FGF14: variants seen among roughly 807,000 people sequenced by gnomAD.
The protein encoded by FGF14 is fibroblast growth factor 14.
Under a neutral mutation model 25.5 loss-of-function variants are expected in FGF14, and 5 were observed. That is an observed-to-expected ratio of 0.20 (90% CI 0.10 to 0.41). FGF14 has a LOEUF of 0.41. Among genes scored for constraint, FGF14 ranks in the 10% least tolerant of loss-of-function variants. The pLI is 1.00. For missense variants in FGF14, 222 were observed against 320.1 expected (o/e 0.69, Z 2.34); for synonymous variants, 138 against 118.3 (o/e 1.17, Z -1.08).
intron 1 of FGF14, among the ~76,000 whole-genome samples, chr13:102,044,177 C>T (rs140148596): frequency 4.6e-5 from 7 of 152,302 alleles, no homozygotes; most frequent in South Asian, 2.1e-4. Context: ...AGCTGACTGG[C>T]CACTGACATC....
rs141305887 is a variant in FGF14 at position 101,897,948 on chromosome 13, G to A, written c.193+18505C>T. ...CTTACTCTGTTGCCCAGGCTGGAGT[G>A]CAGTGGTGCAGTCTCGGCTTACTGC... On this transcript the variant is annotated intron_variant, in intron 1 of 4. Transcript: ENST00000376143. 8.3e-3 allele frequency among the ~76,000 whole-genome samples: 1,261 copies of A among 152,138 alleles called. 14 individuals are homozygous for A. Among genetic ancestry groups the A allele is most frequent in the African/African-American group, 0.028 (1,166 of 41,488 alleles).
At chr13:102,038,708 G>A (rs2041590754) in intron 1 of FGF14, among the ~76,000 whole-genome samples, 1 of 151,950 alleles carries the variant, frequency 6.6e-6, no homozygotes. Flanking sequence ...TCCATTTTAT[G>A]TCATAAAATA....
At chr13:102,236,282 T>C (rs887379305) in intron 1 of FGF14, among the ~76,000 whole-genome samples, 1 of 152,176 alleles carries the variant, frequency 6.6e-6, no homozygotes, top group African/African-American at 2.4e-5. Context: ...GGGGTCTGGA[T>C]CAGGACCCCT....
At chr13:102,117,439 A>T (rs540677597) in intron 1 of FGF14, among the ~76,000 whole-genome samples, 1 of 152,194 alleles carries the variant, frequency 6.6e-6, no homozygotes, top group South Asian at 2.1e-4. Context: ...TCCTAAGTTT[A>T]TTCCAGGAAG....
chr13:101,884,683 G>C (rs2045898202), intron 1 of FGF14, among the ~76,000 whole-genome samples: 1 of 152,090 alleles, frequency 6.6e-6, no homozygotes, highest in South Asian at 2.1e-4. Flanking sequence ...CGCTGAAAGT[G>C]TTCAAGCAGT....
At chr13:102,236,047 G>A (rs1018579997) in intron 1 of FGF14, among the ~76,000 whole-genome samples, 1 of 152,212 alleles carries the variant, frequency 6.6e-6, no homozygotes, top group Non-Finnish European at 1.5e-5. Flanking sequence ...GCAATCCTTT[G>A]TCAGGAACCT....
At chr13:101,736,198 G>C (rs1057004829) in intron 3 of FGF14, among the ~76,000 whole-genome samples, 1 of 152,008 alleles carries the variant, frequency 6.6e-6, no homozygotes, top group African/African-American at 2.4e-5. Context: ...ATATGTATGT[G>C]TATTGTTATG....
intron 1 of FGF14, among the ~76,000 whole-genome samples, chr13:102,283,615 T>C (rs1438960987): frequency 1.3e-5 from 2 of 152,266 alleles, no homozygotes; most frequent in South Asian, 2.1e-4. Flanking sequence ...AATTCCTTTA[T>C]TAAATATTTT....
intron 1 of FGF14, chr13:102,292,509 C>G (rs1456954830): frequency 1.3e-5 from 2 of 152,026 alleles, no homozygotes; most frequent in Non-Finnish European, 2.9e-5. Context: ...TCTGGGCTCT[C>G]GCATATATCT....
intron 1 of FGF14, among the ~76,000 whole-genome samples, chr13:102,273,344 C>T (rs1257603161): frequency 6.6e-6 from 1 of 152,162 alleles, no homozygotes; most frequent in African/African-American, 2.4e-5. Flanking sequence ...TAATCCACAA[C>T]ATGTAATTTC....
At chr13:101,900,689 G>A (rs767670205) in intron 1 of FGF14, among the ~76,000 whole-genome samples, 3 of 152,126 alleles carry the variant, frequency 2.0e-5, no homozygotes, top group South Asian at 2.1e-4. Flanking sequence ...GATTGGAAAA[G>A]CACATGAGGA....
At chr13:102,107,816 C>T (rs1362987582) in intron 1 of FGF14, among the ~76,000 whole-genome samples, 1 of 152,186 alleles carries the variant, frequency 6.6e-6, no homozygotes, top group African/African-American at 2.4e-5. Context: ...AACTGCAAGA[C>T]ATACTCAGAA....
chr13:101,755,660 T>G (rs764685345), intron 3 of FGF14, among the ~76,000 whole-genome samples: 2 of 152,234 alleles, frequency 1.3e-5, no homozygotes, highest in Non-Finnish European at 2.9e-5. Context: ...TGGACAGGAC[T>G]GTCATATCTT....
intron 1 of FGF14, among the ~76,000 whole-genome samples, chr13:101,960,331 A>G (rs1462945641): frequency 6.6e-6 from 1 of 151,966 alleles, no homozygotes; most frequent in East Asian, 1.9e-4. Flanking sequence ...TGCATTAGCT[A>G]TTTTTCCTGA....
intron 1 of FGF14, among the ~76,000 whole-genome samples, chr13:102,368,646 T>A (rs543643901): frequency 1.8e-4 from 28 of 152,300 alleles, no homozygotes; most frequent in African/African-American, 5.1e-4. Context: ...ACAGAAATGA[T>A]AATAGCTTAA....
chr13:102,037,302 G>T (rs548889186), intron 1 of FGF14, among the ~76,000 whole-genome samples: 1 of 152,054 alleles, frequency 6.6e-6, no homozygotes, highest in South Asian at 2.1e-4. Flanking sequence ...CTAAAATCAG[G>T]GTTGTGTTCC....
intron 1 of FGF14, among the ~76,000 whole-genome samples, chr13:102,392,667 C>T (rs2058460813): frequency 6.6e-6 from 1 of 152,190 alleles, no homozygotes; most frequent in South Asian, 2.1e-4. Context: ...GACTAGCTCA[C>T]CAGAACTGTC....
chr13:102,232,614 C>T (rs1400670978), intron 1 of FGF14, among the ~76,000 whole-genome samples: 2 of 152,042 alleles, frequency 1.3e-5, no homozygotes, highest in East Asian at 3.9e-4. Flanking sequence ...AATTCTAAAT[C>T]CCAAGTCATA....
intron 3 of FGF14, among the ~76,000 whole-genome samples, chr13:101,732,666 A>G (rs2035890150): frequency 8.9e-6 from 1 of 112,446 alleles, no homozygotes; most frequent in Non-Finnish European, 2.0e-5. Flanking sequence ...ATCAAATAAG[A>G]TAAGAGAGGT....
Sources: allele counts gnomAD v4.1 joint callset (sites outside exome capture counted in the v4.1 genomes callset), GRCh38; gene constraint gnomAD v4.1.1; transcripts MANE v1.5; gene names NCBI Gene and HGNC (gene_info 2026-07-23, HGNC 2026-07-21).